Variants in CHRNA7 observed in about 807,000 individuals in gnomAD.
The protein encoded by CHRNA7 is cholinergic receptor nicotinic alpha 7 subunit.
A neutral mutation model predicts 48.0 loss-of-function variants in CHRNA7; 17 were observed. That is an observed-to-expected ratio of 0.35 (90% CI 0.24 to 0.53). The LOEUF is 0.53. Among genes scored for constraint, CHRNA7 ranks in the 20% least tolerant of loss-of-function variants. The pLI is 0.92. For missense variants in CHRNA7, 155 were observed against 577.7 expected (o/e 0.27, Z 7.50); for synonymous variants, 75 against 242.3 (o/e 0.31, Z 6.41).
chr15:32,130,771 T>C (rs772458997), intron 4 of CHRNA7, among the ~76,000 whole-genome samples: 12 of 152,052 alleles, frequency 7.9e-5, no homozygotes, highest in Non-Finnish European at 1.8e-4. Flanking sequence ...GTAAAGTAGA[T>C]AAATTTTCTC....
At chr15:32,122,513 A>G (rs2050988755) in intron 4 of CHRNA7, among the ~76,000 whole-genome samples, 2 of 151,954 alleles carry the variant, frequency 1.3e-5, no homozygotes. Flanking sequence ...AGCTAATCAC[A>G]TTTTTGTGTT....
At chr15:32,114,059 T>TATATAC (rs1187735599) in intron 4 of CHRNA7, among the ~76,000 whole-genome samples, 1 of 38,358 alleles carries the variant, frequency 2.6e-5, no homozygotes, top group African/African-American at 6.6e-5. Flanking sequence ...TATATATATA[T>TATATAC]ACATATATAT....
At chr15:32,114,059 TACATATATATATATATAC>T (rs2050818873) in intron 4 of CHRNA7, among the ~76,000 whole-genome samples, 2 of 38,358 alleles carry the variant, frequency 5.2e-5, no homozygotes, top group African/African-American at 6.6e-5. Flanking sequence ...TATATATATA[TACATATATATATATATAC>T]ACATACATAC....
At chr15:32,086,644 C>T (rs1438370436) in intron 2 of CHRNA7, among the ~76,000 whole-genome samples, 1 of 152,174 alleles carries the variant, frequency 6.6e-6, no homozygotes, top group Admixed American at 6.5e-5. Flanking sequence ...ATCCAGGAGT[C>T]CATGTAGCAT....
Position 32,168,757 on chromosome 15 carries a change from C to CTT in CHRNA7, c.*300_*301insTT. The stretch of plus-strand genomic sequence containing the variant: ...ACTGCCTGGAAAGCCCTTCGGAGAG[C>CTT]TCCCCATGGCTCCTCACCACCGAGA... On this transcript the variant is annotated 3_prime_UTR_variant, in exon 10 of 10. Transcript: ENST00000306901. 4.7e-5 allele frequency: 1 copy of CTT among 21,418 alleles called. No homozygotes were observed. Among genetic ancestry groups the CTT allele is most frequent in the Non-Finnish European group, 8.9e-5 (1 of 11,206 alleles). 1.3% of individuals were successfully genotyped at this position (21,418 alleles called of 1,614,324 possible).
At chr15:32,148,119 A>G (rs1214893750) in intron 4 of CHRNA7, among the ~76,000 whole-genome samples, 4 of 152,178 alleles carry the variant, frequency 2.6e-5, no homozygotes, top group Admixed American at 6.5e-5. Context: ...TTGATTTCAC[A>G]TGAGACCTTA....
chr15:32,132,974 A>G (rs80004588), intron 4 of CHRNA7, among the ~76,000 whole-genome samples: 2,258 of 152,276 alleles, frequency 0.015, 50 homozygotes, highest in African/African-American at 0.05. Context: ...TCATTTTTCA[A>G]TGAACCTCTG....
chr15:32,075,269 G>A (rs1321437747), intron 2 of CHRNA7, among the ~76,000 whole-genome samples: 1 of 152,140 alleles, frequency 6.6e-6, no homozygotes, highest in African/African-American at 2.4e-5. Context: ...GGAAGCAATG[G>A]TGTAGAATTG....
In CHRNA7 at chr15:32,136,216, C is replaced by T. The variant is rs186607053; in HGVS notation, c.351-17691C>T. ...GTATTAAAAACAAAGTGGGACAGGG[C>T]GCAGGGGCTCATGCCTGTAGTCCCA... On this transcript the variant is annotated intron_variant, in intron 4 of 9. Transcript: ENST00000306901. 8.7e-4 allele frequency among the ~76,000 whole-genome samples: 133 copies of T among 152,136 alleles called. No homozygotes were observed. The Middle Eastern group carries it at 0.024, about 27-fold the overall frequency.
chr15:32,127,154 G>C (rs1262021189), intron 4 of CHRNA7, among the ~76,000 whole-genome samples: 1 of 152,084 alleles, frequency 6.6e-6, no homozygotes, highest in Non-Finnish European at 1.5e-5. Context: ...GTAACCTTTT[G>C]AGGGTGGCTG....
intron 2 of CHRNA7, among the ~76,000 whole-genome samples, chr15:32,047,801 G>A (rs1375610524): frequency 2.0e-5 from 3 of 152,186 alleles, no homozygotes; most frequent in African/African-American, 7.2e-5. Flanking sequence ...GATATTGACT[G>A]TGGGTTTGTC....
intron 2 of CHRNA7, among the ~76,000 whole-genome samples, chr15:32,053,751 T>G (rs2049734845): frequency 6.6e-6 from 1 of 152,124 alleles, no homozygotes; most frequent in Non-Finnish European, 1.5e-5. Flanking sequence ...TAATAAGAAA[T>G]TAAGCAATGA....
chr15:32,069,489 A>T (rs866372332), intron 2 of CHRNA7, among the ~76,000 whole-genome samples: 6 of 152,198 alleles, frequency 3.9e-5, no homozygotes, highest in Admixed American at 2.0e-4. Flanking sequence ...CTACAAAAAA[A>T]TTTAAAAATT....
chr15:32,141,448 A>G (rs1376070433), intron 4 of CHRNA7, among the ~76,000 whole-genome samples: 1 of 152,124 alleles, frequency 6.6e-6, no homozygotes, highest in South Asian at 2.1e-4. Flanking sequence ...GTTTTTTCCA[A>G]TTCTGTGAAG....
rs190611148 is a variant in CHRNA7, at chr15:32,131,252, C to A, written c.350+19353C>A. Among the ~76,000 whole-genome samples, 13 of 152,074 alleles carry A rather than the reference C, an allele frequency of 8.5e-5. No individual in the cohort carries two copies. The South Asian group carries it at 2.3e-3, about 27-fold the overall frequency. On this transcript the variant is annotated intron_variant, in intron 4 of 9. Coordinates refer to ENST00000306901, the MANE Select transcript of CHRNA7 (RefSeq NM_000746.6). ...AAATTTGGAAAATTTTTAATAATTT[C>A]TTCAAACATTTTTCATTCTCATTTT... is the stretch of plus-strand genomic sequence containing the variant.
chr15:32,111,880 G>A lies in CHRNA7; in HGVS notation c.331G>A (p.Asp111Asn). The change falls in exon 4 of 10, where the codon GAC becomes AAC. Residue 111 changes from aspartate to asparagine, a missense_variant. By Grantham distance (23) the Asp-to-Asn change is conservative. Transcript: ENST00000306901. ...RFPDGQIWKP[D>N]ILLYNSADER... The stretch of plus-strand genomic sequence containing the variant: ...CCCAGATGGCCAGATTTGGAAACCA[G>A]ACATTCTTCTCTATAACAGGTAAGC... 6.2e-7 allele frequency: 1 copy of A among 1,608,162 alleles called. No homozygotes were observed. Among genetic ancestry groups the A allele is most frequent in the Non-Finnish European group, 8.5e-7 (1 of 1,174,544 alleles).
intron 2 of CHRNA7, among the ~76,000 whole-genome samples, chr15:32,061,230 A>G (rs1374950967): frequency 1.3e-5 from 2 of 152,158 alleles, no homozygotes; most frequent in Non-Finnish European, 2.9e-5. Flanking sequence ...CCTTCACTTA[A>G]GTGCCAGCCT....
chr15:32,113,332 C>A (rs1333932031), intron 4 of CHRNA7, among the ~76,000 whole-genome samples: 2 of 152,060 alleles, frequency 1.3e-5, no homozygotes, highest in Admixed American at 6.6e-5. Context: ...TGCTCATGAC[C>A]CTCTTTTACT....
chr15:32,094,250 T>A (rs2050429870), intron 2 of CHRNA7, among the ~76,000 whole-genome samples: 1 of 152,128 alleles, frequency 6.6e-6, no homozygotes, highest in African/African-American at 2.4e-5. Flanking sequence ...GCACACACTT[T>A]TTGAAAAGAT....
Sources: allele counts gnomAD v4.1 joint callset (sites outside exome capture counted in the v4.1 genomes callset), GRCh38; gene constraint gnomAD v4.1.1; transcripts MANE v1.5; gene names NCBI Gene and HGNC (gene_info 2026-07-23, HGNC 2026-07-21).